Variants in PLG observed in about 807,000 individuals in gnomAD.
PLG encodes the protein plasminogen.
A neutral mutation model predicts 104.4 loss-of-function variants in PLG; 41 were observed. The observed-to-expected ratio is 0.39, with a 90% CI of 0.31 to 0.51. The LOEUF is 0.51. Ranked by LOEUF, PLG falls within the 20% of genes least tolerant of loss-of-function variation. PLG has a pLI of 0.76. For synonymous variants in PLG, 337 were observed against 357.1 expected, an observed-to-expected ratio of 0.94 and a Z score of 0.63; for missense variants, 891 against 1,003.6, an observed-to-expected ratio of 0.89 and a Z score of 1.52.
intron 17 of PLG, among the ~76,000 whole-genome samples, chr6:160,750,825 T>C (rs117016680): frequency 0.06 from 9,070 of 152,178 alleles, 365 homozygotes; most frequent in South Asian, 0.14. Context: ...GCTTGCAAAA[T>C]TGGAAAACTA....
intron 10 of PLG, among the ~76,000 whole-genome samples, chr6:160,727,579 C>T (rs1301541326): frequency 2.0e-5 from 3 of 151,910 alleles, no homozygotes; most frequent in South Asian, 4.1e-4. Context: ...TGATGAATAT[C>T]CCAAACAAGT....
At chr6:160,730,144 T>C (rs1307712088) in intron 10 of PLG, among the ~76,000 whole-genome samples, 1 of 152,196 alleles carries the variant, frequency 6.6e-6, no homozygotes, top group African/African-American at 2.4e-5. Context: ...GGGGAGCACA[T>C]TCTCCAAGAT....
In PLG at chr6:160,735,769, G is replaced by C. The variant is rs1348889443; in HGVS notation, c.1682-1118G>C. 6.6e-6 allele frequency among the ~76,000 whole-genome samples: 1 copy of C among 152,150 alleles called. No individual in the cohort carries two copies. The highest frequency in any genetic ancestry group is 2.4e-5 in the African/African-American group (1 of 41,438). ...AGTTTTGTTTTGAATAGTAGGAGCAGGGTACCATCATTTCTGTAGTTACTC... is the reference window on the plus strand; with the variant it reads ...AGTTTTGTTTTGAATAGTAGGAGCACGGTACCATCATTTCTGTAGTTACTC... On this transcript the variant is annotated intron_variant, in intron 13 of 18. Transcript: ENST00000308192. This position sits in a 1 kb window ranked among gnomAD's most constrained non-coding sequence, Gnocchi z 5.4.
At chr6:160,706,243 GTTC>G in intron 1 of PLG, 161 bp from the exon 2 acceptor site, 1 of 884,452 alleles carries the variant, frequency 1.1e-6, no homozygotes, top group Non-Finnish European at 1.8e-6. Context: ...CCGACTGTGT[GTTC>G]TTAACTAAAC....
At position 160,737,059 on chromosome 6, in the gene PLG, A is replaced by C. The variant is rs747724395; in HGVS notation, c.1802+52A>C. The C allele has an allele frequency of 4.4e-6, 7 of 1,608,220 alleles. No homozygotes were observed. The Admixed American group carries it at 1.0e-4, about 23-fold the overall frequency. On this transcript the variant is annotated intron_variant, in intron 14 of 18. Coordinates refer to ENST00000308192, the MANE Select transcript of PLG (RefSeq NM_000301.5). This position sits in a 1 kb window ranked among gnomAD's most constrained non-coding sequence, Gnocchi z 4.7. ...TACTGTCCCTCCACGTAAGCCCTGC[A>C]AAACCCTTCTACATTTACATAAAAT...
In PLG at chr6:160,731,781, A is replaced by G; in HGVS notation, c.1475A>G (p.Lys492Arg). 1.2e-6 allele frequency: 2 copies of G among 1,614,110 alleles called. No homozygotes were observed. Among genetic ancestry groups the G allele is most frequent in the Non-Finnish European group, 1.7e-6 (2 of 1,179,968 alleles). ...MFGNGKGYRG[K>R]RATTVTGTPC... ...GGGAATGGGAAAGGATACCGAGGCA[A>G]GAGGGCGACCACTGTTACTGGGACG... is the stretch of plus-strand genomic sequence containing the variant. The change falls in exon 12 of 19, where the codon AAG (lysine) becomes AGG (arginine). Residue 492 changes from lysine (K) to arginine (R), a missense_variant. Lys to Arg is a conservative substitution (Grantham distance 26). Transcript: ENST00000308192. This position sits in a 1 kb window ranked among gnomAD's most constrained non-coding sequence, Gnocchi z 5.1.
Position 160,738,583 on chromosome 6 carries a change from G to C in PLG, c.1848G>C (p.Trp616Cys), listed in dbSNP as rs121918031. The change falls in exon 15 of 19, where the codon TGG becomes TGC. Residue 616 changes from tryptophan (W) to cysteine (C), a missense_variant. By Grantham distance (215) the Trp-to-Cys change is radical. This residue lies in a region of PLG where 854 missense variants were observed against 932.1 expected (regional missense o/e 0.92). Transcript: ENST00000308192. The surrounding 1 kb of genome is among the most constrained non-coding windows in gnomAD (Gnocchi z 6.8). ...GAGGCACCTTGATATCCCCAGAGTG[G>C]GTGTTGACTGCTGCCCACTGCTTGG... ...FCGGTLISPE[W>C]VLTAAHCLEK... 2 of 1,611,164 alleles carry C rather than the reference G, an allele frequency of 1.2e-6. No homozygotes were observed. Among genetic ancestry groups the C allele is most frequent in the Non-Finnish European group, 1.7e-6 (2 of 1,177,300 alleles).
At position 160,753,420 on chromosome 6, in the gene PLG, A is replaced by C. The variant is rs1778441882; in HGVS notation, c.*359A>C. The C allele has an allele frequency of 5.5e-6, 2 of 366,022 alleles. No individual in the cohort carries two copies. Among genetic ancestry groups the C allele is most frequent in the South Asian group, 4.5e-5 (2 of 44,242 alleles). The allele number at this position is 366,022 out of a possible 1,614,324, so 22.7% of individuals were successfully genotyped here. A position where few individuals can be genotyped will look rare whatever the true frequency, so the allele number is the denominator to read the frequency against. On this transcript the variant is annotated 3_prime_UTR_variant, in exon 19 of 19. Coordinates refer to ENST00000308192, the MANE Select transcript of PLG (RefSeq NM_000301.5). This position sits in a 1 kb window ranked among gnomAD's most constrained non-coding sequence, Gnocchi z 5.4. ...CTGCACAAAGGACTGAGCAGGCTGC[A>C]AGGTCACAGAGGGGAGAGCCAAGAA...
At chr6:160,715,009 G>A in intron 6 of PLG, 95 bp downstream of exon 6, 1 of 1,243,170 alleles carries the variant, frequency 8.0e-7, no homozygotes. Context: ...CATTCCTCAA[G>A]AAGTGAACGC....
intron 3 of PLG, chr6:160,708,159 G>A: frequency 4.3e-6 from 1 of 232,962 alleles, no homozygotes. Context: ...ATTCTGCAGG[G>A]TGACCATGGT....
rs1777883498 is a variant in PLG at position 160,723,850 on chromosome 6, G to A, written c.1256+1283G>A. Among the ~76,000 whole-genome samples the A allele has an allele frequency of 6.6e-6, 1 of 152,276 alleles. No individual in the cohort carries two copies. The highest frequency in any genetic ancestry group is 2.1e-4 in the South Asian group (1 of 4,822). ...GGAGAGACCTCGCTGAACATCTTGGGCATTCAGTAGTCACCACATAAAGCC... is the reference window on the plus strand; with the variant it reads ...GGAGAGACCTCGCTGAACATCTTGGACATTCAGTAGTCACCACATAAAGCC... On this transcript the variant is annotated intron_variant, in intron 10 of 18. Transcript: ENST00000308192. This position sits in a 1 kb window ranked among gnomAD's most constrained non-coding sequence, Gnocchi z 4.7.
In PLG at chr6:160,704,722, G is replaced by A. The variant is rs34665888; in HGVS notation, c.50-1685G>A. Among the ~76,000 whole-genome samples the A allele has an allele frequency of 2.3e-3, 343 of 152,210 alleles. 2 individuals carry two copies. The highest frequency in any genetic ancestry group is 3.9e-3 in the Non-Finnish European group (263 of 68,006). ...GCTCAATAATCCATTTTTCCAGCCC[G>A]GAATGTCTTAAATTGAGGAAGGACA... On this transcript the variant is annotated intron_variant, in intron 1 of 18. Transcript: ENST00000308192.
chr6:160,710,721 CATT>C (rs1382054347), intron 3 of PLG, among the ~76,000 whole-genome samples: 6 of 152,274 alleles, frequency 3.9e-5, no homozygotes, highest in African/African-American at 9.6e-5. Context: ...TATGTATCAT[CATT>C]AAGTGATCTC....
At chr6:160,751,224 A>G (rs917634399) in intron 17 of PLG, among the ~76,000 whole-genome samples, 1 of 152,232 alleles carries the variant, frequency 6.6e-6, no homozygotes, top group African/African-American at 2.4e-5. Context: ...AAGGAATAAG[A>G]ATGAACTTTA....
intron 9 of PLG, 47 bp downstream of exon 9, chr6:160,718,885 A>C: frequency 6.5e-7 from 1 of 1,530,288 alleles, no homozygotes; most frequent in African/African-American, 1.4e-5. Flanking sequence ...TTTTCTCCTT[A>C]TTTTTGTATA....
Position 160,736,892 on chromosome 6 carries a change from C to A in PLG, c.1687C>A (p.Pro563Thr). 14 of 1,613,886 alleles carry A rather than the reference C, an allele frequency of 8.7e-6. No individual in the cohort carries two copies. Among genetic ancestry groups the A allele is most frequent in the Non-Finnish European group, 1.2e-5 (14 of 1,179,866 alleles). Residue 563 changes from proline (P) to threonine (T), a missense_variant, in exon 14 of 19, where the codon CCT becomes ACT. Transcript: ENST00000308192. The surrounding 1 kb of genome is among the most constrained non-coding windows in gnomAD (Gnocchi z 5.2). ...TTTCCCACCTTGTGCCACAGCGGCC[C>A]CTTCATTTGATTGTGGGAAGCCTCA... ...DYCDVPQCAA[P>T]SFDCGKPQVE...
Position 160,748,350 on chromosome 6 carries a change from GAGAAAGAA to G in PLG, c.2126-3722_2126-3715del, listed in dbSNP as rs71542985. On this transcript the variant is annotated intron_variant, in intron 17 of 18. Transcript: ENST00000308192. ...AGAAGGAAAGAAGGAAGAAAAGAAA[GAGAAAGAA>G]AGAAAGAAAGAAAGAAAGAAAGAAA... 2.4e-3 allele frequency among the ~76,000 whole-genome samples: 121 copies of G among 49,434 alleles called. 4 individuals carry two copies. Among genetic ancestry groups the G allele is most frequent in the South Asian group, 0.018 (21 of 1,170 alleles). 32.4% of individuals were successfully genotyped at this position (49,434 alleles called of 152,430 possible). A position where few individuals can be genotyped will look rare whatever the true frequency, so the allele number is the denominator to read the frequency against.
chr6:160,731,885 GA>G lies in PLG; in HGVS notation c.1586del (p.Asn529IlefsTer10), dbSNP rs2115174150. On this transcript the variant is annotated frameshift_variant, in exon 12 of 19. Transcript: ENST00000308192. LOFTEE classifies it high-confidence loss of function. This position sits in a 1 kb window ranked among gnomAD's most constrained non-coding sequence, Gnocchi z 5.1. ...TPETNPRAGLEKNYCRNPDGD... is the reference protein window; with the variant it reads ...TPETNPRAGLXKNYCRNPDGD... ...AGAGACAAATCCACGGGCGGGTCTGGAAAAAAATGTAAGCCACTTTGATTTG... is the reference window on the plus strand; with the variant it reads ...AGAGACAAATCCACGGGCGGGTCTGGAAAAAATGTAAGCCACTTTGATTTG... 2 of 1,613,808 alleles carry G rather than the reference GA, an allele frequency of 1.2e-6. No individual in the cohort carries two copies. Among genetic ancestry groups the G allele is most frequent in the Non-Finnish European group, 1.7e-6 (2 of 1,179,854 alleles).
At chr6:160,721,835 A>C (rs956192071) in intron 9 of PLG, among the ~76,000 whole-genome samples, 1 of 152,300 alleles carries the variant, frequency 6.6e-6, no homozygotes, top group Non-Finnish European at 1.5e-5. Flanking sequence ...CTTCTGCTTC[A>C]TTGCAATGCA....
Sources: gnomAD v4.1 joint callset for allele counts (sites outside exome capture counted in the v4.1 genomes callset) on GRCh38, gnomAD v4.1.1 for gene constraint, gnomAD v4.1.1 regional missense constraint, Gnocchi (gnomAD v3.1) non-coding constraint, MANE v1.5 for transcripts, NCBI Gene and HGNC (gene_info 2026-07-23, HGNC 2026-07-21) for gene names.